NEGR1: variants seen among roughly 807,000 people sequenced by gnomAD.
NEGR1 encodes neuronal growth regulator 1, also known as IgLON family member 4.
Under a neutral mutation model 40.9 loss-of-function variants are expected in NEGR1, and 10 were observed. That is an observed-to-expected ratio of 0.24 (90% confidence interval 0.15 to 0.42). The LOEUF is 0.42. Ranked by LOEUF, NEGR1 falls within the 10% of genes least tolerant of loss-of-function variation. The probability of loss-of-function intolerance (pLI) is 1.00; values close to 1 mark genes in which losing one functional copy is unlikely to be tolerated. For synonymous variants in NEGR1, 185 were observed against 166.8 expected, an observed-to-expected ratio of 1.11 and a Z score of -0.84; for missense variants, 352 against 438.9, an observed-to-expected ratio of 0.80 and a Z score of 1.77.
At chr1:71,989,859 T>A (rs943983233) in intron 1 of NEGR1, among the ~76,000 whole-genome samples, 2 of 152,230 alleles carry the variant, frequency 1.3e-5, no homozygotes, top group Non-Finnish European at 2.9e-5. Flanking sequence ...TTCTCATTTA[T>A]ATACCATTGC....
chr1:71,936,127 C>A (rs931801111), intron 1 of NEGR1, among the ~76,000 whole-genome samples: 1 of 152,240 alleles, frequency 6.6e-6, no homozygotes, highest in Middle Eastern at 3.4e-3. Flanking sequence ...AAATAGCTTG[C>A]ATTTGCACAG....
At chr1:71,469,933 C>A (rs1323989047) in intron 6 of NEGR1, among the ~76,000 whole-genome samples, 1 of 151,960 alleles carries the variant, frequency 6.6e-6, no homozygotes, top group African/African-American at 2.4e-5. Context: ...GATATGTTAA[C>A]CAAAATTACA....
intron 4 of NEGR1, among the ~76,000 whole-genome samples, chr1:71,653,589 T>C (rs191624511): frequency 4.2e-4 from 64 of 152,318 alleles, no homozygotes; most frequent in African/African-American, 9.9e-4. Context: ...ATTATTGTTC[T>C]AGTCTATCTG....
chr1:72,069,102 T>C (rs1426765314), intron 1 of NEGR1, among the ~76,000 whole-genome samples: 1 of 152,074 alleles, frequency 6.6e-6, no homozygotes, highest in African/African-American at 2.4e-5. Context: ...ATATATCTTT[T>C]GTGTCAGTTT....
intron 2 of NEGR1, among the ~76,000 whole-genome samples, chr1:71,829,607 C>G (rs1658767174): frequency 6.6e-6 from 1 of 151,814 alleles, no homozygotes; most frequent in South Asian, 2.1e-4. Context: ...TCAAAGCTTT[C>G]CTCTCTCTTT....
At chr1:72,280,651 T>G (rs918919498) in intron 1 of NEGR1, among the ~76,000 whole-genome samples, 9 of 152,236 alleles carry the variant, frequency 5.9e-5, no homozygotes, top group African/African-American at 2.2e-4. Context: ...TAGTGGCATT[T>G]GTTATTCAAA....
rs139563363 is a variant in NEGR1 at position 72,246,328 on chromosome 1, G to C, written c.176+35991C>G. 2.0e-5 allele frequency among the ~76,000 whole-genome samples: 3 copies of C among 152,122 alleles called. No individual in the cohort carries two copies. The East Asian group carries it at 5.8e-4, about 29-fold the overall frequency. ...TTAAACATCCTTTTATGATAACATC[G>C]TGTCTAGTTTTCAATCCTTACCTCC... On this transcript the variant is annotated intron_variant, in intron 1 of 6. Coordinates refer to ENST00000357731, the MANE Select transcript of NEGR1 (RefSeq NM_173808.3).
At chr1:71,839,285 C>T (rs1659153380) in intron 2 of NEGR1, among the ~76,000 whole-genome samples, 2 of 149,260 alleles carry the variant, frequency 1.3e-5, no homozygotes. Flanking sequence ...CTCACTGCAA[C>T]CTCCTCCTCC....
At chr1:71,473,066 G>A (rs560862897) in intron 6 of NEGR1, among the ~76,000 whole-genome samples, 1 of 152,052 alleles carries the variant, frequency 6.6e-6, no homozygotes, top group East Asian at 1.9e-4. Context: ...TAGTTTTAAA[G>A]GCTTTAGCAC....
At chr1:72,018,531 T>C (rs537987555) in intron 1 of NEGR1, among the ~76,000 whole-genome samples, 1 of 152,302 alleles carries the variant, frequency 6.6e-6, no homozygotes, top group Admixed American at 6.5e-5. Context: ...ATGTGTATAA[T>C]TTTTAATAAC....
intron 1 of NEGR1, among the ~76,000 whole-genome samples, chr1:71,944,614 T>C (rs1039178664): frequency 6.6e-6 from 1 of 152,184 alleles, no homozygotes; most frequent in Non-Finnish European, 1.5e-5. Context: ...AAATTCATGT[T>C]TTGTAAAAAT....
chr1:71,845,923 CT>C (rs368324879), intron 2 of NEGR1, among the ~76,000 whole-genome samples: 2,025 of 110,680 alleles, frequency 0.018, 47 homozygotes, highest in African/African-American at 0.065. Flanking sequence ...CGGCACCTGG[CT>C]TTTTTTTTTT....
intron 1 of NEGR1, among the ~76,000 whole-genome samples, chr1:72,248,010 G>A (rs950011489): frequency 7.2e-5 from 11 of 152,040 alleles, no homozygotes; most frequent in African/African-American, 1.4e-4. Flanking sequence ...AGTGTGCGTC[G>A]GCAGGGAGAG....
intron 1 of NEGR1, among the ~76,000 whole-genome samples, chr1:71,968,108 A>G (rs1486392939): frequency 6.6e-6 from 1 of 152,176 alleles, no homozygotes; most frequent in Non-Finnish European, 1.5e-5. Context: ...TGACTGTATT[A>G]TTTACTCTCT....
intron 1 of NEGR1, among the ~76,000 whole-genome samples, chr1:71,985,416 C>G (rs1239616105): frequency 1.3e-5 from 2 of 151,954 alleles, no homozygotes; most frequent in African/African-American, 4.8e-5. Context: ...TGTAATAGTT[C>G]ATTTAATCTT....
chr1:72,084,009 G>A (rs568356226), intron 1 of NEGR1, among the ~76,000 whole-genome samples: 20 of 152,250 alleles, frequency 1.3e-4, no homozygotes, highest in African/African-American at 1.9e-4. Flanking sequence ...TAGATTCATT[G>A]TCCTCAGAAT....
intron 4 of NEGR1, among the ~76,000 whole-genome samples, chr1:71,697,312 A>G (rs373073659): frequency 1.3e-5 from 2 of 151,784 alleles, no homozygotes; most frequent in East Asian, 1.9e-4. Flanking sequence ...TTTTTTAGAT[A>G]AAGACTTAGG....
chr1:71,914,051 A>G (rs893347859), intron 2 of NEGR1, among the ~76,000 whole-genome samples: 5 of 152,160 alleles, frequency 3.3e-5, no homozygotes, highest in African/African-American at 9.7e-5. Flanking sequence ...ACAATATAAG[A>G]AGATTGTGAG....
chr1:72,098,917 A>C (rs1427441572), intron 1 of NEGR1, among the ~76,000 whole-genome samples: 3 of 151,518 alleles, frequency 2.0e-5, no homozygotes, highest in African/African-American at 7.3e-5. Flanking sequence ...ATAAAAAATA[A>C]AACTAAAATA....
Sources: allele counts gnomAD v4.1 joint callset (sites outside exome capture counted in the v4.1 genomes callset), GRCh38; gene constraint gnomAD v4.1.1; transcripts MANE v1.5; gene names NCBI Gene and HGNC (gene_info 2026-07-23, HGNC 2026-07-21).